CNTNAP2: variants seen among roughly 807,000 people sequenced by gnomAD.
CNTNAP2 encodes the protein contactin associated protein 2.
Under a neutral mutation model 155.2 loss-of-function variants are expected in CNTNAP2, and 98 were observed. The observed-to-expected ratio is 0.63, with a 90% CI of 0.54 to 0.75. The LOEUF is 0.75. Among genes scored for constraint, CNTNAP2 ranks in the 30% least tolerant of loss-of-function variants. The probability of loss-of-function intolerance (pLI) is 0.00; values close to 1 mark genes in which losing one functional copy is unlikely to be tolerated. For synonymous variants in CNTNAP2, 651 were observed against 631.2 expected, an observed-to-expected ratio of 1.03 and a Z score of -0.47; for missense variants, 1,727 against 1,688.1, an observed-to-expected ratio of 1.02 and a Z score of -0.40.
At chr7:146,863,666 T>C (rs184219457) in intron 3 of CNTNAP2, among the ~76,000 whole-genome samples, 3 of 152,184 alleles carry the variant, frequency 2.0e-5, no homozygotes, top group African/African-American at 7.2e-5. Context: ...TTACTAGACA[T>C]TTACCAACCA....
intron 3 of CNTNAP2, among the ~76,000 whole-genome samples, chr7:146,854,442 AC>A (rs1255507554): frequency 6.6e-6 from 1 of 152,078 alleles, no homozygotes; most frequent in Non-Finnish European, 1.5e-5. Context: ...ATCAAGGTAC[AC>A]CTCTGATGGA....
intron 8 of CNTNAP2, among the ~76,000 whole-genome samples, chr7:147,237,965 T>C (rs765919063): frequency 1.7e-4 from 26 of 152,234 alleles, no homozygotes; most frequent in Admixed American, 3.3e-4. Context: ...AATGACAAAA[T>C]AGTAGTAGAC....
intron 8 of CNTNAP2, among the ~76,000 whole-genome samples, chr7:147,275,915 T>TTG (rs1804885214): frequency 6.6e-6 from 1 of 151,992 alleles, no homozygotes; most frequent in South Asian, 2.1e-4. Flanking sequence ...ACCTATTGAG[T>TTG]TGATCATATG....
In CNTNAP2 at chr7:148,365,958, ATGTATACATGTG is replaced by A. The variant is rs1798752168; in HGVS notation, c.3476-17685_3476-17674del. Among the ~76,000 whole-genome samples, 2 of 3,526 alleles carry A rather than the reference ATGTATACATGTG, an allele frequency of 5.7e-4. 1 individual carries two copies. The highest frequency in any genetic ancestry group is 7.8e-4 in the African/African-American group (2 of 2,564). 2.3% of individuals were successfully genotyped at this position (3,526 alleles called of 152,430 possible). A position where few individuals can be genotyped will look rare whatever the true frequency, so the allele number is the denominator to read the frequency against. On this transcript the variant is annotated intron_variant, in intron 21 of 23. Transcript: ENST00000361727. ...TATGCATGTATACATGCGTGTATGC[ATGTATACATGTG>A]TGTATGCATGTATACATGTGTGTAT...
chr7:146,881,556 T>G (rs1795550457), intron 3 of CNTNAP2, among the ~76,000 whole-genome samples: 2 of 152,020 alleles, frequency 1.3e-5, no homozygotes, highest in African/African-American at 4.8e-5. Context: ...GGGATGAAAC[T>G]TCAAATGCTA....
chr7:147,397,052 G>T (rs752656789), intron 10 of CNTNAP2, among the ~76,000 whole-genome samples: 1 of 151,956 alleles, frequency 6.6e-6, no homozygotes, highest in South Asian at 2.1e-4. Context: ...GATGGCGTTC[G>T]TGTGAATGGT....
intron 13 of CNTNAP2, among the ~76,000 whole-genome samples, chr7:147,839,092 CA>C (rs1371317420): frequency 6.6e-6 from 1 of 152,160 alleles, no homozygotes; most frequent in East Asian, 1.9e-4. Context: ...GTAGCCAGCA[CA>C]AGAGAAAAAT....
chr7:146,578,678 T>C (rs1443364186), intron 1 of CNTNAP2, among the ~76,000 whole-genome samples: 1 of 152,154 alleles, frequency 6.6e-6, no homozygotes, highest in Non-Finnish European at 1.5e-5. Context: ...CTCTGCTTTA[T>C]AAATGAGAAA....
At chr7:148,036,713 C>A (rs1802579498) in intron 15 of CNTNAP2, among the ~76,000 whole-genome samples, 1 of 152,032 alleles carries the variant, frequency 6.6e-6, no homozygotes, top group Non-Finnish European at 1.5e-5. Flanking sequence ...ATGTTATTTA[C>A]CCATAATCAT....
intron 10 of CNTNAP2, among the ~76,000 whole-genome samples, chr7:147,396,150 A>G (rs1346654483): frequency 7.2e-6 from 1 of 139,566 alleles, no homozygotes. Context: ...TATATGATAA[A>G]TATATATGAG....
intron 1 of CNTNAP2, among the ~76,000 whole-genome samples, chr7:146,432,978 C>G (rs1796192811): frequency 6.6e-6 from 1 of 152,132 alleles, no homozygotes; most frequent in South Asian, 2.1e-4. Context: ...ATGAAAGAGA[C>G]TCGAGCTAAT....
chr7:147,770,596 A>G (rs1430350757), intron 13 of CNTNAP2, among the ~76,000 whole-genome samples: 1 of 152,184 alleles, frequency 6.6e-6, no homozygotes, highest in Non-Finnish European at 1.5e-5. Context: ...AGAAAATGAG[A>G]TTTTTTTAAA....
At chr7:148,323,676 A>T (rs1178464023) in intron 21 of CNTNAP2, among the ~76,000 whole-genome samples, 1 of 152,134 alleles carries the variant, frequency 6.6e-6, no homozygotes, top group Non-Finnish European at 1.5e-5. Flanking sequence ...AAAATCTAAT[A>T]GTCACCATCT....
chr7:148,066,184 T>G (rs1333459536), intron 15 of CNTNAP2, among the ~76,000 whole-genome samples: 1 of 152,202 alleles, frequency 6.6e-6, no homozygotes, highest in Non-Finnish European at 1.5e-5. Context: ...CTTTACAGGT[T>G]ACCTGATGTT....
At chr7:147,117,721 A>T (rs980517587) in intron 5 of CNTNAP2, among the ~76,000 whole-genome samples, 20 of 152,194 alleles carry the variant, frequency 1.3e-4, no homozygotes, top group African/African-American at 4.1e-4. Flanking sequence ...ATTAACTTTT[A>T]TTACTTTGAA....
At chr7:146,196,975 G>A (rs1052072698) in intron 1 of CNTNAP2, among the ~76,000 whole-genome samples, 1 of 151,904 alleles carries the variant, frequency 6.6e-6, no homozygotes, top group South Asian at 2.1e-4. Context: ...TAATATTTTT[G>A]TACAAATTTT....
At chr7:147,678,956 C>T (rs1236398232) in intron 13 of CNTNAP2, among the ~76,000 whole-genome samples, 1 of 151,894 alleles carries the variant, frequency 6.6e-6, no homozygotes, top group Admixed American at 6.6e-5. Flanking sequence ...CAATGCTACA[C>T]ATTGAGCCTC....
At chr7:146,386,513 C>T (rs1028958766) in intron 1 of CNTNAP2, among the ~76,000 whole-genome samples, 3 of 152,110 alleles carry the variant, frequency 2.0e-5, no homozygotes, top group African/African-American at 2.4e-5. Context: ...CTCAGCCTCC[C>T]GAGTAGCTGG....
chr7:147,150,863 G>C (rs750806198), intron 8 of CNTNAP2, among the ~76,000 whole-genome samples: 17 of 152,088 alleles, frequency 1.1e-4, no homozygotes, highest in Non-Finnish European at 1.6e-4. Flanking sequence ...CTATTGAGGG[G>C]AGATGGAAGG....
Sources: allele counts gnomAD v4.1 joint callset (sites outside exome capture counted in the v4.1 genomes callset), GRCh38; gene constraint gnomAD v4.1.1; transcripts MANE v1.5; gene names NCBI Gene and HGNC (gene_info 2026-07-23, HGNC 2026-07-21).